Variants in WDFY3 observed in about 807,000 individuals in gnomAD.
WDFY3 encodes WD repeat and FYVE domain containing 3, also known as WD repeat and FYVE domain-containing protein 3.
WDFY3 carries 66 observed loss-of-function variants against 409.6 expected under a neutral mutation model. The ratio of observed to expected loss-of-function variants is 0.16; its 90% CI spans 0.13 to 0.20. The LOEUF is 0.20. Ranked by LOEUF, WDFY3 falls within the 10% of genes least tolerant of loss-of-function variation. WDFY3 has a pLI of 1.00. For synonymous variants in WDFY3, 1,521 were observed against 1,537.1 expected, an observed-to-expected ratio of 0.99 and a Z score of 0.25; for missense variants, 3,031 against 4,298.1, an observed-to-expected ratio of 0.71 and a Z score of 8.24.
At chr4:84,833,688 A>AAGAGAAGAGAAGAGAAGAG (rs1756113632) in intron 7 of WDFY3, among the ~76,000 whole-genome samples, 1 of 149,500 alleles carries the variant, frequency 6.7e-6, no homozygotes, top group Non-Finnish European at 1.5e-5. Flanking sequence ...AAAGAAAAGA[A>AAGAGAAGAGAAGAGAAGAG]AAGAGAAGAG....
intron 13 of WDFY3, among the ~76,000 whole-genome samples, chr4:84,813,874 G>A (rs1752883156): frequency 6.6e-6 from 1 of 152,162 alleles, no homozygotes; most frequent in Non-Finnish European, 1.5e-5. Flanking sequence ...CGACACTCAT[G>A]TGGATATCCT....
chr4:84,857,595 T>C (rs1399161412), intron 4 of WDFY3, among the ~76,000 whole-genome samples: 1 of 152,128 alleles, frequency 6.6e-6, no homozygotes, highest in Admixed American at 6.5e-5. Context: ...CAAAAATTAT[T>C]AACTTCCTGG....
intron 38 of WDFY3, 88 bp downstream of exon 38, chr4:84,741,673 T>C (rs1738457277): frequency 1.5e-6 from 2 of 1,325,848 alleles, no homozygotes; most frequent in Admixed American, 2.3e-5. Context: ...TTCATTATCT[T>C]ATTAGTTATA....
intron 5 of WDFY3, among the ~76,000 whole-genome samples, chr4:84,847,520 A>G (rs1758238813): frequency 6.7e-6 from 1 of 149,800 alleles, no homozygotes; most frequent in South Asian, 2.1e-4. Flanking sequence ...TAATCCCACC[A>G]CTTTGGGAGG....
chr4:84,717,225 C>T (rs1471915781), intron 48 of WDFY3, among the ~76,000 whole-genome samples: 1 of 151,892 alleles, frequency 6.6e-6, no homozygotes, highest in Non-Finnish European at 1.5e-5. Context: ...TTTAAAAATC[C>T]CCTTATTACT....
chr4:84,738,987 A>C (rs1330759129), intron 40 of WDFY3, 23 bp downstream of exon 40: 8 of 1,611,040 alleles, frequency 5.0e-6, no homozygotes, highest in Non-Finnish European at 6.8e-6. Flanking sequence ...CAATTTAAAA[A>C]CATCCCAAGT....
chr4:84,930,931 A>G (rs1441559452), intron 2 of WDFY3, among the ~76,000 whole-genome samples: 1 of 152,240 alleles, frequency 6.6e-6, no homozygotes, highest in Non-Finnish European at 1.5e-5. Flanking sequence ...AATATTATAT[A>G]CAGTAAGATA....
At chr4:84,873,553 G>A (rs961337319) in intron 3 of WDFY3, among the ~76,000 whole-genome samples, 1 of 151,874 alleles carries the variant, frequency 6.6e-6, no homozygotes, top group Non-Finnish European at 1.5e-5. Flanking sequence ...ACGATCTAAG[G>A]ATTAATAAAC....
intron 4 of WDFY3, among the ~76,000 whole-genome samples, chr4:84,858,572 C>A (rs1236410662): frequency 2.0e-5 from 3 of 151,868 alleles, no homozygotes; most frequent in African/African-American, 7.3e-5. Flanking sequence ...GGAGAATATT[C>A]TCAAAGAAAT....
chr4:84,808,647 A>C (rs1751940861), intron 14 of WDFY3, among the ~76,000 whole-genome samples: 1 of 152,214 alleles, frequency 6.6e-6, no homozygotes. Context: ...ACATCTGTTA[A>C]ACAGGGTGCT....
intron 19 of WDFY3, 83 bp from the exon 20 acceptor site, chr4:84,795,062 G>T: frequency 1.1e-6 from 1 of 943,912 alleles, no homozygotes; most frequent in Non-Finnish European, 1.4e-6. Context: ...TGAAATAACT[G>T]CCAGTATTTA....
chr4:84,871,129 C>T (rs1287432844), intron 3 of WDFY3, among the ~76,000 whole-genome samples: 2 of 152,008 alleles, frequency 1.3e-5, no homozygotes, highest in African/African-American at 2.4e-5. Context: ...GCCCAGAGAA[C>T]GCCAACATGA....
intron 39 of WDFY3, 24 bp downstream of exon 39, chr4:84,740,163 G>C: frequency 6.2e-7 from 1 of 1,610,086 alleles, no homozygotes; most frequent in Non-Finnish European, 8.5e-7. Context: ...ATTTAACATG[G>C]CAAACTGAAC....
chr4:84,958,421 G>GT (rs888868747), intron 1 of WDFY3, among the ~76,000 whole-genome samples: 10 of 151,888 alleles, frequency 6.6e-5, no homozygotes, highest in African/African-American at 2.4e-4. Context: ...AAAATCAGAA[G>GT]TTTTTTTTTA....
In WDFY3 at chr4:84,966,250, A is replaced by ACGGGACCGCGGCGGGC. The variant is rs1775738597; in HGVS notation, c.-283_-268dup. On this transcript the variant is annotated 5_prime_UTR_variant, in exon 1 of 68. Transcript: ENST00000295888. ...GGCGCGGGCGGGACAGGCCCAGGAG[A>ACGGGACCGCGGCGGGC]CGGGACCGCGGCGGGCCGGGGCTCC... 1 of 150,246 alleles carries ACGGGACCGCGGCGGGC rather than the reference A, an allele frequency of 6.7e-6. No homozygotes were observed. Among genetic ancestry groups the ACGGGACCGCGGCGGGC allele is most frequent in the Non-Finnish European group, 1.5e-5 (1 of 67,560 alleles). The allele number at this position is 150,246 out of a possible 1,614,324, so 9.3% of individuals were successfully genotyped here.
intron 26 of WDFY3, among the ~76,000 whole-genome samples, chr4:84,778,953 G>C (rs935801749): frequency 6.6e-6 from 1 of 151,910 alleles, no homozygotes; most frequent in East Asian, 1.9e-4. Flanking sequence ...TTACCAACGC[G>C]TGCATAAAAT....
At chr4:84,842,247 C>T (rs530987478) in intron 5 of WDFY3, among the ~76,000 whole-genome samples, 26 of 152,106 alleles carry the variant, frequency 1.7e-4, no homozygotes, top group African/African-American at 5.3e-4. Context: ...GAGGCCAAGG[C>T]GGGCAGATCA....
chr4:84,699,673 G>A (rs921020733), intron 56 of WDFY3, among the ~76,000 whole-genome samples: 1 of 152,220 alleles, frequency 6.6e-6, no homozygotes, highest in South Asian at 2.1e-4. Context: ...CACCAGCAAT[G>A]TATGAGGGTT....
At chr4:84,773,321 G>A (rs1022606614) in intron 29 of WDFY3, among the ~76,000 whole-genome samples, 3 of 152,020 alleles carry the variant, frequency 2.0e-5, no homozygotes, top group Admixed American at 1.3e-4. Flanking sequence ...ACAGTTCTTC[G>A]AAATATGAAT....
Sources: allele counts gnomAD v4.1 joint callset (sites outside exome capture counted in the v4.1 genomes callset), GRCh38; gene constraint gnomAD v4.1.1; transcripts MANE v1.5; gene names NCBI Gene and HGNC (gene_info 2026-07-23, HGNC 2026-07-21).